The following SATB2 variants were observed in gnomAD, a reference collection of about 807,000 sequenced individuals.
The protein encoded by SATB2 is SATB homeobox 2.
Under a neutral mutation model 73.4 loss-of-function variants are expected in SATB2, and 1 was observed. The ratio of observed to expected loss-of-function variants is 0.01; its 90% CI spans 0.00 to 0.06. SATB2 has a LOEUF of 0.06. Among genes scored for constraint, SATB2 ranks in the 10% least tolerant of loss-of-function variants. The probability of loss-of-function intolerance (pLI) is 1.00; values close to 1 mark genes in which losing one functional copy is unlikely to be tolerated. For synonymous variants in SATB2, 397 were observed against 367.0 expected, an observed-to-expected ratio of 1.08 and a Z score of -0.93; for missense variants, 459 against 945.8, an observed-to-expected ratio of 0.49 and a Z score of 6.75.
chr2:199,285,935 T>G (rs1406642213), intron 10 of SATB2, among the ~76,000 whole-genome samples: 4 of 151,562 alleles, frequency 2.6e-5, no homozygotes, highest in Non-Finnish European at 5.9e-5. Context: ...ACTGTGTATG[T>G]TTTTAATGCA....
At chr2:199,307,781 G>C (rs559345634) in intron 10 of SATB2, among the ~76,000 whole-genome samples, 1 of 152,204 alleles carries the variant, frequency 6.6e-6, no homozygotes, top group East Asian at 1.9e-4. Context: ...GAAACCTCAG[G>C]TTGGGGTGTT....
intron 3 of SATB2, among the ~76,000 whole-genome samples, chr2:199,384,097 C>CA (rs1689859531): frequency 1.3e-5 from 2 of 152,148 alleles, no homozygotes; most frequent in African/African-American, 4.8e-5. Context: ...ATAGACAACT[C>CA]ATTCTACTGG....
At chr2:199,273,627 T>C (rs552231600) in intron 10 of SATB2, among the ~76,000 whole-genome samples, 38 of 152,340 alleles carry the variant, frequency 2.5e-4, no homozygotes, top group African/African-American at 8.2e-4. Context: ...TCTTAAATTA[T>C]GAATTTAAAC....
chr2:199,370,790 CG>C (rs1175466455), intron 5 of SATB2, among the ~76,000 whole-genome samples: 1 of 152,024 alleles, frequency 6.6e-6, no homozygotes, highest in Non-Finnish European at 1.5e-5. Flanking sequence ...CTGGCTCCGT[CG>C]GCAGGTCCTA....
intron 9 of SATB2, among the ~76,000 whole-genome samples, chr2:199,322,466 T>C (rs1020737513): frequency 2.0e-5 from 3 of 152,330 alleles, no homozygotes; most frequent in African/African-American, 7.2e-5. Context: ...GGCTCTATGG[T>C]ATTTTCTTTT....
At chr2:199,294,729 T>TA (rs1350071036) in intron 10 of SATB2, among the ~76,000 whole-genome samples, 5 of 152,016 alleles carry the variant, frequency 3.3e-5, no homozygotes, top group South Asian at 2.1e-4. Flanking sequence ...ACACTATACT[T>TA]AAAAAAAATC....
At chr2:199,356,263 C>T (rs1371609091) in intron 6 of SATB2, among the ~76,000 whole-genome samples, 1 of 145,080 alleles carries the variant, frequency 6.9e-6, no homozygotes, top group Admixed American at 6.9e-5. Flanking sequence ...AAAGAAAAGA[C>T]GACGGCAGAA....
intron 6 of SATB2, among the ~76,000 whole-genome samples, chr2:199,362,168 T>C (rs1476289312): frequency 1.3e-5 from 2 of 152,284 alleles, no homozygotes; most frequent in Middle Eastern, 3.4e-3. Flanking sequence ...TCAGGATAAA[T>C]GTACTGCCAT....
At chr2:199,458,677 G>A (rs762206357), upstream of SATB2, 9 of 442,192 alleles carry the variant, frequency 2.0e-5, no homozygotes, top group Middle Eastern at 3.7e-4. Context: ...AGGCGACCGC[G>A]GCTGCCTCGG....
intron 3 of SATB2, among the ~76,000 whole-genome samples, chr2:199,407,029 T>C (rs1690649966): frequency 3.3e-5 from 5 of 151,936 alleles, no homozygotes; most frequent in Admixed American, 3.3e-4. Flanking sequence ...ACATGAAGTA[T>C]AGAAAAGTTG....
chr2:199,378,847 A>AG (rs1159160911), intron 5 of SATB2, among the ~76,000 whole-genome samples: 1 of 152,196 alleles, frequency 6.6e-6, no homozygotes, highest in African/African-American at 2.4e-5. Flanking sequence ...TAACCAAACA[A>AG]GGGGGGCTCA....
chr2:199,305,925 A>G (rs984770803), intron 10 of SATB2, among the ~76,000 whole-genome samples: 3 of 151,694 alleles, frequency 2.0e-5, no homozygotes, highest in South Asian at 2.2e-4. Context: ...TAAGCTCTTA[A>G]TAATCACTGA....
At chr2:199,409,977 C>T (rs1226145790) in intron 3 of SATB2, among the ~76,000 whole-genome samples, 1 of 140,910 alleles carries the variant, frequency 7.1e-6, no homozygotes, top group Non-Finnish European at 1.6e-5. Flanking sequence ...TCCATCACTG[C>T]CCCCCACCAT....
chr2:199,282,069 A>C (rs1032323190), intron 10 of SATB2, among the ~76,000 whole-genome samples: 1 of 151,648 alleles, frequency 6.6e-6, no homozygotes, highest in African/African-American at 2.4e-5. Context: ...TTTTAGTAGA[A>C]ACAGTGTTTC....
chr2:199,452,946 C>A (rs1692169374), intron 2 of SATB2, among the ~76,000 whole-genome samples: 1 of 152,060 alleles, frequency 6.6e-6, no homozygotes. Context: ...TAAAGCTAAC[C>A]ACATAGTAAA....
chr2:199,432,437 C>T (rs1691530531), intron 3 of SATB2, among the ~76,000 whole-genome samples: 2 of 152,112 alleles, frequency 1.3e-5, no homozygotes, highest in South Asian at 4.1e-4. Flanking sequence ...TGAAGAGAAA[C>T]TCATTTTAAA....
chr2:199,300,198 G>T (rs1451753710), intron 10 of SATB2, among the ~76,000 whole-genome samples: 1 of 151,600 alleles, frequency 6.6e-6, no homozygotes, highest in African/African-American at 2.4e-5. Context: ...AGGGAGGGAG[G>T]GAGAAGGAAG....
intron 10 of SATB2, among the ~76,000 whole-genome samples, chr2:199,301,738 G>A (rs1687295840): frequency 6.6e-6 from 1 of 152,156 alleles, no homozygotes; most frequent in South Asian, 2.1e-4. Context: ...CCAAGGTGTG[G>A]AGGAGGCAGA....
At chr2:199,281,763 A>C (rs1453955577) in intron 10 of SATB2, among the ~76,000 whole-genome samples, 1 of 152,156 alleles carries the variant, frequency 6.6e-6, no homozygotes, top group African/African-American at 2.4e-5. Flanking sequence ...ATATCAATGT[A>C]ATTATTTTAT....
Sources: allele counts gnomAD v4.1 joint callset (sites outside exome capture counted in the v4.1 genomes callset), GRCh38; gene constraint gnomAD v4.1.1; transcripts MANE v1.5; gene names NCBI Gene and HGNC (gene_info 2026-07-23, HGNC 2026-07-21).